MACROD2: variants seen among roughly 807,000 people sequenced by gnomAD.
MACROD2 encodes the protein mono-ADP ribosylhydrolase 2, also known as ADP-ribose glycohydrolase MACROD2.
MACROD2 carries 36 observed loss-of-function variants against 70.4 expected under a neutral mutation model. The observed-to-expected ratio is 0.51, with a 90% CI of 0.39 to 0.68. The LOEUF is 0.68. Among genes scored for constraint, MACROD2 ranks in the 30% least tolerant of loss-of-function variants. MACROD2 has a pLI of 0.00. For synonymous variants in MACROD2, 172 were observed against 178.8 expected, an observed-to-expected ratio of 0.96 and a Z score of 0.30; for missense variants, 496 against 538.4, an observed-to-expected ratio of 0.92 and a Z score of 0.78.
intron 7 of MACROD2, among the ~76,000 whole-genome samples, chr20:15,446,302 T>C (rs998557294): frequency 2.6e-5 from 4 of 152,174 alleles, no homozygotes; most frequent in Non-Finnish European, 5.9e-5. Flanking sequence ...TTCCTCTTTA[T>C]CATGAAAGAT....
chr20:14,112,537 A>T (rs1462766335), intron 3 of MACROD2, among the ~76,000 whole-genome samples: 4 of 151,958 alleles, frequency 2.6e-5, no homozygotes, highest in Admixed American at 2.6e-4. Flanking sequence ...AACATTTTTG[A>T]TGTATAGTTT....
chr20:15,981,320 GTATCGT>G lies in MACROD2; in HGVS notation c.986-5403_986-5398del, dbSNP rs549821303. Among the ~76,000 whole-genome samples, 509 of 152,278 alleles carry G rather than the reference GTATCGT, an allele frequency of 3.3e-3. 5 individuals are homozygous for G. The highest frequency in any genetic ancestry group is 0.012 in the African/African-American group (484 of 41,558). Reference sequence around the variant, plus strand: ...CTCCACCATGTAACTGTTTTTTGCGGTATCGTTATACAGTTTTTGCTTTAGACAACT... The same window carrying G: ...CTCCACCATGTAACTGTTTTTTGCGGTATACAGTTTTTGCTTTAGACAACT... On this transcript the variant is annotated intron_variant, in intron 13 of 17. Transcript: ENST00000684519.
chr20:14,461,651 TC>T (rs2084373413), intron 3 of MACROD2, among the ~76,000 whole-genome samples: 1 of 151,650 alleles, frequency 6.6e-6, no homozygotes, highest in Non-Finnish European at 1.5e-5. Flanking sequence ...TGCTATCCTT[TC>T]CCCCACCCCC....
intron 8 of MACROD2, among the ~76,000 whole-genome samples, chr20:15,784,596 ATCT>A (rs1348209092): frequency 4.6e-5 from 7 of 152,282 alleles, no homozygotes; most frequent in Admixed American, 1.3e-4. Flanking sequence ...CTTCCTGATC[ATCT>A]TCTTCTGACA....
Position 15,225,411 on chromosome 20 carries a change from A to C in MACROD2, c.419-4529A>C, listed in dbSNP as rs78962488. ...ATTTTTGAATAGCTAATGTATTCACATAACTTGAACATCAAAAAATAAAAG... is the reference window on the plus strand; with the variant it reads ...ATTTTTGAATAGCTAATGTATTCACCTAACTTGAACATCAAAAAATAAAAG... On this transcript the variant is annotated intron_variant, in intron 5 of 17. Transcript: ENST00000684519. Among the ~76,000 whole-genome samples the C allele has an allele frequency of 7.1e-3, 1,084 of 152,276 alleles. 10 individuals carry two copies. Among genetic ancestry groups the C allele is most frequent in the African/African-American group, 0.025 (1,036 of 41,546 alleles).
At chr20:14,018,980 A>G (rs924196180) in intron 2 of MACROD2, among the ~76,000 whole-genome samples, 2 of 152,176 alleles carry the variant, frequency 1.3e-5, no homozygotes, top group African/African-American at 2.4e-5. Context: ...GGAAAATACA[A>G]TGAGGCATGA....
Position 14,141,427 on chromosome 20 carries a change from C to T in MACROD2, c.271+55699C>T, listed in dbSNP as rs1319158062. ...CTTTCTTCATCTATAAAAGGAGATA[C>T]ACCTATAATGCATATTTGCTATAAA... On this transcript the variant is annotated intron_variant, in intron 3 of 17. Transcript: ENST00000684519. Among the ~76,000 whole-genome samples, 4 of 152,136 alleles carry T rather than the reference C, an allele frequency of 2.6e-5. No individual in the cohort carries two copies. The East Asian group carries it at 5.8e-4, about 22-fold the overall frequency.
chr20:15,298,399 C>A (rs2077611089), intron 6 of MACROD2, among the ~76,000 whole-genome samples: 1 of 152,094 alleles, frequency 6.6e-6, no homozygotes. Flanking sequence ...TGACAGGTAC[C>A]AGGAGAAGAA....
At chr20:14,504,247 C>T (rs553898514) in intron 4 of MACROD2, among the ~76,000 whole-genome samples, 273 of 152,324 alleles carry the variant, frequency 1.8e-3, no homozygotes, top group African/African-American at 6.4e-3. Flanking sequence ...GGGTGCTGAT[C>T]TGTGCCAGGC....
intron 3 of MACROD2, among the ~76,000 whole-genome samples, chr20:14,300,702 G>A (rs1472434853): frequency 6.6e-6 from 1 of 152,162 alleles, no homozygotes; most frequent in Non-Finnish European, 1.5e-5. Flanking sequence ...GCTGGGCCAG[G>A]CTCAGAGTCC....
chr20:15,490,347 C>T (rs1824640291), intron 7 of MACROD2, among the ~76,000 whole-genome samples: 2 of 151,668 alleles, frequency 1.3e-5, no homozygotes, highest in African/African-American at 2.4e-5. Flanking sequence ...GGAATGCAGC[C>T]TCCAATTCCT....
intron 3 of MACROD2, among the ~76,000 whole-genome samples, chr20:14,187,938 C>T (rs1401125051): frequency 2.0e-5 from 3 of 152,076 alleles, no homozygotes; most frequent in African/African-American, 7.2e-5. Context: ...GATATTAATA[C>T]AAAGGATTGA....
intron 3 of MACROD2, among the ~76,000 whole-genome samples, chr20:14,108,720 T>G (rs968437114): frequency 6.6e-6 from 1 of 152,046 alleles, no homozygotes; most frequent in Non-Finnish European, 1.5e-5. Flanking sequence ...ATAAGAATTT[T>G]AAACATATAT....
intron 2 of MACROD2, among the ~76,000 whole-genome samples, chr20:14,075,249 T>C (rs2053902648): frequency 1.3e-5 from 2 of 152,250 alleles, no homozygotes; most frequent in Admixed American, 6.5e-5. Context: ...AAATTTGTGC[T>C]AGCTTTGCTG....
At chr20:15,209,414 T>G (rs930461755) in intron 5 of MACROD2, among the ~76,000 whole-genome samples, 1 of 152,174 alleles carries the variant, frequency 6.6e-6, no homozygotes, top group African/African-American at 2.4e-5. Flanking sequence ...TCTGTGAGTA[T>G]TTTAAATACT....
chr20:15,889,891 A>G (rs756892678), intron 10 of MACROD2, among the ~76,000 whole-genome samples: 29 of 152,110 alleles, frequency 1.9e-4, no homozygotes, highest in Non-Finnish European at 4.1e-4. Flanking sequence ...AACATGATAC[A>G]TTGTCAAGGA....
In MACROD2 at chr20:15,065,609, G is replaced by A. The variant is rs550874926; in HGVS notation, c.419-164331G>A. The stretch of plus-strand genomic sequence containing the variant: ...GCGGAGCTTGCAGTGAGCCAAGATC[G>A]CGCCACTGCACTCTAGCCTGGGCGA... On this transcript the variant is annotated intron_variant, in intron 5 of 17. Transcript: ENST00000684519. Among the ~76,000 whole-genome samples, 9 of 149,202 alleles carry A rather than the reference G, an allele frequency of 6.0e-5. No homozygotes were observed. In the South Asian group the frequency reaches 1.3e-3, roughly 21 times the overall value.
At chr20:14,370,358 A>T (rs1376952108) in intron 3 of MACROD2, among the ~76,000 whole-genome samples, 1 of 152,206 alleles carries the variant, frequency 6.6e-6, no homozygotes, top group Non-Finnish European at 1.5e-5. Flanking sequence ...CTTCAGTCTG[A>T]ATTGTCCAAA....
chr20:14,353,724 A>G (rs961401067), intron 3 of MACROD2, among the ~76,000 whole-genome samples: 2 of 152,094 alleles, frequency 1.3e-5, no homozygotes, highest in African/African-American at 4.8e-5. Context: ...AGAGGCGTTT[A>G]TTCCTCTATG....
Sources: gnomAD v4.1 joint callset for allele counts (sites outside exome capture counted in the v4.1 genomes callset) on GRCh38, gnomAD v4.1.1 for gene constraint, MANE v1.5 for transcripts, NCBI Gene and HGNC (gene_info 2026-07-23, HGNC 2026-07-21) for gene names.